The following CCNB3 variants were observed in gnomAD, a reference collection of about 807,000 sequenced individuals.
CCNB3 encodes the protein G2/mitotic-specific cyclin-B3.
Under a neutral mutation model 68.0 loss-of-function variants are expected in CCNB3, and 12 were observed. The ratio of observed to expected loss-of-function variants is 0.18; its 90% confidence interval spans 0.11 to 0.29. The LOEUF (loss-of-function observed/expected upper bound fraction) is 0.29. Ranked by LOEUF, CCNB3 falls within the 10% of genes least tolerant of loss-of-function variation. CCNB3 has a pLI of 1.00. For missense variants in CCNB3, 904 were observed against 993.1 expected (o/e 0.91, Z 1.21); for synonymous variants, 354 against 388.9 (o/e 0.91, Z 1.06).
chrX:50,281,458 A>G (rs1306217474), intron 1 of CCNB3, among the ~76,000 whole-genome samples: 1 of 111,153 alleles, frequency 9.0e-6, no homozygotes, highest in Non-Finnish European at 1.9e-5. Context: ...GCCTTTGGGC[A>G]AGTACTGCTG....
At chrX:50,279,411 TATAA>T (rs1341437702) in intron 1 of CCNB3, among the ~76,000 whole-genome samples, 3 of 70,851 alleles carry the variant, frequency 4.2e-5, no homozygotes, top group Non-Finnish European at 7.5e-5. Context: ...TATAGAAATA[TATAA>T]ATATATAAAT....
At chrX:50,283,466 A>G (rs921446944) in intron 1 of CCNB3, among the ~76,000 whole-genome samples, 2 of 111,662 alleles carry the variant, frequency 1.8e-5, no homozygotes, top group Non-Finnish European at 3.8e-5. Flanking sequence ...CTGAGGTAAC[A>G]TGTGAATGCA....
intron 8 of CCNB3, among the ~76,000 whole-genome samples, chrX:50,315,319 A>T (rs1444953730): frequency 1.8e-5 from 2 of 112,150 alleles, no homozygotes; most frequent in Non-Finnish European, 3.8e-5. Flanking sequence ...TGTTTTTATA[A>T]CCTTAGTTAT....
intron 8 of CCNB3, among the ~76,000 whole-genome samples, chrX:50,333,841 C>T (rs1253640095): frequency 2.7e-5 from 3 of 111,219 alleles, no homozygotes; most frequent in Non-Finnish European, 3.8e-5. Context: ...GATGGAGGCT[C>T]GCTGGTGTCC....
chrX:50,294,764 G>A, intron 4 of CCNB3, 99 bp from the exon 5 acceptor site: 1 of 1,022,209 alleles, frequency 9.8e-7, no homozygotes, highest in East Asian at 3.1e-5. Context: ...ATGTGGGTCA[G>A]GACTTTCCTA....
intron 1 of CCNB3, among the ~76,000 whole-genome samples, chrX:50,226,292 GA>G (rs1263507231): frequency 4.3e-4 from 21 of 49,228 alleles, no homozygotes; most frequent in South Asian, 1.3e-3. Context: ...TATATATATA[GA>G]ATATATATAT....
chrX:50,322,564 T>C (rs1168635554), intron 8 of CCNB3, among the ~76,000 whole-genome samples: 1 of 111,191 alleles, frequency 9.0e-6, no homozygotes, highest in African/African-American at 3.3e-5. Flanking sequence ...AAGTAAAAAT[T>C]GACAAATGGG....
chrX:50,330,604 CTTT>C (rs1482861182), intron 8 of CCNB3, among the ~76,000 whole-genome samples: 4 of 111,947 alleles, frequency 3.6e-5, no homozygotes, highest in Non-Finnish European at 7.5e-5. Context: ...AGCGATGAAG[CTTT>C]TTATCACTTG....
intron 7 of CCNB3, among the ~76,000 whole-genome samples, chrX:50,313,537 A>G (rs994739199): frequency 1.8e-5 from 2 of 112,227 alleles, no homozygotes; most frequent in Non-Finnish European, 1.9e-5. Context: ...GCACTGCTCT[A>G]CATAGCATGG....
At chrX:50,308,000 C>T (rs913943964) in intron 5 of CCNB3, among the ~76,000 whole-genome samples, 1 of 111,891 alleles carries the variant, frequency 8.9e-6, no homozygotes, top group Admixed American at 9.5e-5. Context: ...TTTTTATTAC[C>T]TCCATTGGGA....
intron 11 of CCNB3, among the ~76,000 whole-genome samples, chrX:50,350,697 C>CTTT (rs1411092639): frequency 1.9e-4 from 19 of 99,790 alleles, no homozygotes; most frequent in African/African-American, 4.8e-4. Flanking sequence ...GGGCTAATAT[C>CTTT]TTTTTTTTTT....
At chrX:50,338,688 A>G (rs1368876192) in intron 8 of CCNB3, among the ~76,000 whole-genome samples, 10 of 112,651 alleles carry the variant, frequency 8.9e-5, no homozygotes, top group Middle Eastern at 4.6e-3. Flanking sequence ...GAAATTGGTC[A>G]CAAGACAATA....
chrX:50,296,204 A>C (rs950287894), intron 5 of CCNB3, among the ~76,000 whole-genome samples: 2 of 105,946 alleles, frequency 1.9e-5, no homozygotes, highest in Admixed American at 2.1e-4. Flanking sequence ...ATATGTACAC[A>C]TGTGCCATGT....
rs781804199 is a variant in CCNB3, at chrX:50,309,712, G to A, written c.1543G>A (p.Gly515Arg). 154 of 1,207,512 alleles carry A rather than the reference G, an allele frequency of 1.3e-4. No individual in the cohort carries two copies. The highest frequency in any genetic ancestry group is 1.6e-4 in the Non-Finnish European group (145 of 894,277). The change falls in exon 6 of 13, where the codon GGA (glycine) becomes AGA (arginine). Residue 515 changes from glycine to arginine, a missense_variant. Physicochemically the swap from Gly to Arg is moderately radical, Grantham distance 125 (BLOSUM62 -2). Transcript: ENST00000376042. ...KKPLILQTTSGEKSLIKEPLP... is the reference protein window; with the variant it reads ...KKPLILQTTSREKSLIKEPLP... ...ACCACTAATATTACAGACCACCTCT[G>A]GAGAAAAGTCACTTATTAAGGAGCC...
chrX:50,307,327 C>T (rs1027978745), intron 5 of CCNB3, among the ~76,000 whole-genome samples: 17 of 111,249 alleles, frequency 1.5e-4, no homozygotes, highest in Admixed American at 1.3e-3. Context: ...TTATGATCCT[C>T]ATTTTATAGG....
chrX:50,279,457 TATATAA>T (rs1389699720), intron 1 of CCNB3, among the ~76,000 whole-genome samples: 4 of 80,988 alleles, frequency 4.9e-5, no homozygotes, highest in African/African-American at 1.9e-4. Context: ...TATATAAATA[TATATAA>T]ATATATAAAT....
At chrX:50,290,057 T>C (rs781985221) in intron 4 of CCNB3, among the ~76,000 whole-genome samples, 1 of 112,178 alleles carries the variant, frequency 8.9e-6, no homozygotes, top group South Asian at 3.7e-4. Flanking sequence ...ATTTCCTGAC[T>C]TATTTAACCA....
intron 1 of CCNB3, among the ~76,000 whole-genome samples, chrX:50,211,944 C>A: frequency 8.9e-6 from 1 of 112,206 alleles, no homozygotes; most frequent in Middle Eastern, 4.6e-3. Context: ...AAGGCAGTAA[C>A]TTGTGTGTAC....
intron 1 of CCNB3, among the ~76,000 whole-genome samples, chrX:50,221,808 C>T (rs1935678459): frequency 1.8e-5 from 2 of 111,161 alleles, no homozygotes; most frequent in Non-Finnish European, 3.8e-5. Context: ...GAGCTGAGTT[C>T]AAGTCCTGAA....
Sources: gnomAD v4.1 joint callset for allele counts (sites outside exome capture counted in the v4.1 genomes callset) on GRCh38, gnomAD v4.1.1 for gene constraint, MANE v1.5 for transcripts, NCBI Gene and HGNC (gene_info 2026-07-23, HGNC 2026-07-21) for gene names.